Variants in BZW2 observed in about 807,000 individuals in gnomAD.
BZW2 encodes eIF5-mimic protein 1.
A neutral mutation model predicts 53.2 loss-of-function variants in BZW2; 23 were observed. That is an observed-to-expected ratio of 0.43 (90% CI 0.31 to 0.61). The LOEUF (loss-of-function observed/expected upper bound fraction) is 0.61, where lower values mean the gene tolerates loss of function less well. BZW2 is among the 20% of genes least tolerant of loss of function. The pLI, the probability that BZW2 is intolerant of heterozygous loss-of-function variation, is 0.09. For synonymous variants in BZW2, 227 were observed against 186.4 expected, an observed-to-expected ratio of 1.22 and a Z score of -1.77; for missense variants, 409 against 503.1, an observed-to-expected ratio of 0.81 and a Z score of 1.79.
chr7:16,670,090 G>T (rs1450420914), intron 2 of BZW2, among the ~76,000 whole-genome samples: 1 of 152,082 alleles, frequency 6.6e-6, no homozygotes, highest in Non-Finnish European at 1.5e-5. Flanking sequence ...TGGTCACTTT[G>T]TTTTAGCAGC....
At chr7:16,696,179 C>G (rs946087825) in intron 8 of BZW2, 2 of 152,170 alleles carry the variant, frequency 1.3e-5, no homozygotes, top group African/African-American at 4.8e-5. Flanking sequence ...AAGTAGTATG[C>G]TGGAGATATA....
intron 3 of BZW2, among the ~76,000 whole-genome samples, chr7:16,679,734 A>T (rs1782879615): frequency 1.3e-5 from 2 of 152,228 alleles, no homozygotes; most frequent in African/African-American, 4.8e-5. Flanking sequence ...AGCTTTGACT[A>T]TTATTGTATC....
chr7:16,686,397 T>A, intron 6 of BZW2: 1 of 214,994 alleles, frequency 4.7e-6, no homozygotes, highest in Non-Finnish European at 9.6e-6. Context: ...ACCCCTATTA[T>A]AAGAACAAAA....
At chr7:16,656,723 A>G (rs1562475831) in intron 1 of BZW2, among the ~76,000 whole-genome samples, 1 of 152,154 alleles carries the variant, frequency 6.6e-6, no homozygotes, top group Non-Finnish European at 1.5e-5. Context: ...CTGAAGGAAA[A>G]TCTTTCACTT....
At chr7:16,666,048 CTG>C (rs965502400) in intron 2 of BZW2, among the ~76,000 whole-genome samples, 1 of 151,992 alleles carries the variant, frequency 6.6e-6, no homozygotes, top group African/African-American at 2.4e-5. Context: ...GTGTGAGTGA[CTG>C]TTTTTTTATA....
chr7:16,674,346 T>C, intron 2 of BZW2, 66 bp from the exon 3 acceptor site: 1 of 1,252,220 alleles, frequency 8.0e-7, no homozygotes, highest in Non-Finnish European at 1.1e-6. Flanking sequence ...GAATTAAAGT[T>C]TTGATTGTTA....
chr7:16,658,304 G>A (rs1478450711), intron 1 of BZW2, among the ~76,000 whole-genome samples: 1 of 152,182 alleles, frequency 6.6e-6, no homozygotes, highest in Non-Finnish European at 1.5e-5. Flanking sequence ...CTGAGATAAA[G>A]TAAGTGACAT....
intron 1 of BZW2, among the ~76,000 whole-genome samples, chr7:16,656,809 G>A (rs1782136907): frequency 6.6e-6 from 1 of 152,150 alleles, no homozygotes; most frequent in African/African-American, 2.4e-5. Context: ...GGACCTATGG[G>A]TTTGTATTTT....
intron 3 of BZW2, among the ~76,000 whole-genome samples, chr7:16,675,858 T>C (rs1412230639): frequency 6.6e-6 from 1 of 152,162 alleles, no homozygotes; most frequent in Non-Finnish European, 1.5e-5. Context: ...GGCGGGCGGA[T>C]CACCTGAGGT....
chr7:16,655,723 T>A (rs1443531568), intron 1 of BZW2, among the ~76,000 whole-genome samples: 1 of 152,172 alleles, frequency 6.6e-6, no homozygotes, highest in Non-Finnish European at 1.5e-5. Context: ...TCTCTACTTC[T>A]GTGATACCAA....
At chr7:16,667,275 A>G (rs1174539422) in intron 2 of BZW2, among the ~76,000 whole-genome samples, 5 of 148,050 alleles carry the variant, frequency 3.4e-5, no homozygotes, top group East Asian at 3.9e-4. Context: ...GTGAAGCTCC[A>G]TCTCAAAAAA....
At chr7:16,705,709 A>G (rs1243598991) in intron 11 of BZW2, among the ~76,000 whole-genome samples, 2 of 149,862 alleles carry the variant, frequency 1.3e-5, no homozygotes, top group African/African-American at 4.9e-5. Flanking sequence ...AAAAGAATAA[A>G]AAGTTTATCT....
intron 4 of BZW2, 129 bp downstream of exon 4, chr7:16,681,533 T>A: frequency 1.3e-6 from 1 of 764,854 alleles, no homozygotes; most frequent in Non-Finnish European, 2.1e-6. Flanking sequence ...TAATGGGCAT[T>A]AAAACTACAA....
intron 5 of BZW2, among the ~76,000 whole-genome samples, chr7:16,683,538 A>G (rs1361558338): frequency 6.6e-6 from 1 of 152,244 alleles, no homozygotes; most frequent in Non-Finnish European, 1.5e-5. Flanking sequence ...AAAATTCTTT[A>G]ATTGTATGCA....
intron 3 of BZW2, among the ~76,000 whole-genome samples, chr7:16,676,759 G>C (rs1055398779): frequency 5.3e-5 from 8 of 152,020 alleles, no homozygotes; most frequent in African/African-American, 1.4e-4. Context: ...AGCGAGTTTT[G>C]GTTCTTGCCA....
At chr7:16,656,260 C>T (rs573593278) in intron 1 of BZW2, among the ~76,000 whole-genome samples, 4 of 151,976 alleles carry the variant, frequency 2.6e-5, no homozygotes, top group Admixed American at 6.5e-5. Context: ...TTTGGAAAGA[C>T]GTTATCATTG....
chr7:16,652,789 T>A (rs1038904936), intron 1 of BZW2, among the ~76,000 whole-genome samples: 4 of 152,162 alleles, frequency 2.6e-5, no homozygotes, highest in Non-Finnish European at 4.4e-5. Context: ...CTTCCCAAAG[T>A]GCTGGGATTA....
intron 5 of BZW2, among the ~76,000 whole-genome samples, chr7:16,684,084 A>G (rs567117558): frequency 7.7e-4 from 117 of 152,362 alleles, no homozygotes; most frequent in South Asian, 4.1e-3. Context: ...TTGGTGGGAG[A>G]TGAAGACTGT....
chr7:16,704,323 T>A (rs1783766842), intron 10 of BZW2, among the ~76,000 whole-genome samples: 1 of 152,236 alleles, frequency 6.6e-6, no homozygotes. Context: ...CATTATATCA[T>A]GCCTAAGAAG....
Sources: gnomAD v4.1 joint callset for allele counts (sites outside exome capture counted in the v4.1 genomes callset) on GRCh38, gnomAD v4.1.1 for gene constraint, MANE v1.5 for transcripts, NCBI Gene and HGNC (gene_info 2026-07-23, HGNC 2026-07-21) for gene names.